CHAC2: variants seen among roughly 807,000 people sequenced by gnomAD.
CHAC2 encodes glutathione-specific gamma-glutamylcyclotransferase 2.
A neutral mutation model predicts 16.9 loss-of-function variants in CHAC2; 20 were observed. The observed-to-expected ratio is 1.18, with a 90% confidence interval of 0.83 to 1.72. The LOEUF is 1.72. Ranked by LOEUF, CHAC2 falls within the 40% of genes most tolerant of loss-of-function variation. CHAC2 has a pLI of 0.00. For synonymous variants in CHAC2, 91 were observed against 77.3 expected (o/e 1.18, Z -0.93); for missense variants, 269 against 222.2 (o/e 1.21, Z -1.34).
intron 1 of CHAC2, among the ~76,000 whole-genome samples, chr2:53,769,061 T>C (rs982899254): frequency 2.0e-5 from 3 of 152,236 alleles, no homozygotes; most frequent in African/African-American, 7.2e-5. Context: ...ACTGGCCTAT[T>C]GGGATGTTGG....
At chr2:53,768,596 T>G (rs10490470) in intron 1 of CHAC2, among the ~76,000 whole-genome samples, 24,365 of 152,182 alleles carry the variant, frequency 0.16, 2,285 homozygotes, top group African/African-American at 0.26. Flanking sequence ...GGAACTCACT[T>G]TGGTTTTCAG....
At chr2:53,770,002 C>A (rs1000468676) in intron 1 of CHAC2, among the ~76,000 whole-genome samples, 8 of 152,180 alleles carry the variant, frequency 5.3e-5, no homozygotes, top group African/African-American at 1.9e-4. Context: ...AACCAAGAAT[C>A]AAGATTTCAT....
At chr2:53,773,637 G>A (rs1674105854) in intron 2 of CHAC2, among the ~76,000 whole-genome samples, 1 of 151,784 alleles carries the variant, frequency 6.6e-6, no homozygotes, top group Non-Finnish European at 1.5e-5. Flanking sequence ...CACCATCTTG[G>A]CCAGGCTGGT....
chr2:53,771,218 C>T (rs75596601), intron 1 of CHAC2, among the ~76,000 whole-genome samples: 3,472 of 152,016 alleles, frequency 0.023, 60 homozygotes, highest in Non-Finnish European at 0.035. Flanking sequence ...TTTTTTTTCC[C>T]CTAATAAAAC....
intron 2 of CHAC2, 50 bp from the exon 3 acceptor site, chr2:53,774,092 T>C (rs1396969715): frequency 6.6e-7 from 1 of 1,506,764 alleles, no homozygotes; most frequent in Non-Finnish European, 8.9e-7. Flanking sequence ...TTTCTTCACC[T>C]ATTTTAATTA....
rs545424466 is a variant in CHAC2, at chr2:53,771,374, G to C, written c.136-533G>C. 4.8e-4 allele frequency among the ~76,000 whole-genome samples: 73 copies of C among 152,224 alleles called. No individual in the cohort carries two copies. The South Asian group carries it at 0.012, about 24-fold the overall frequency. ...CTAAAAATACAAAAATTAGCTGGGTGTCTTGGCGGGCACCTGTAATCCCAA... is the reference window on the plus strand; with the variant it reads ...CTAAAAATACAAAAATTAGCTGGGTCTCTTGGCGGGCACCTGTAATCCCAA... On this transcript the variant is annotated intron_variant, in intron 1 of 2. Transcript: ENST00000295304.
Position 53,767,999 on chromosome 2 carries a change from A to C in CHAC2, c.113A>C (p.Asp38Ala). Residue 38 changes from aspartate to alanine, a missense_variant, in exon 1 of 3, where the codon GAC becomes GCC. Coordinates refer to ENST00000295304, the MANE Select transcript of CHAC2 (RefSeq NM_001008708.4). ...YSRRFWQGST[D>A]HRGVPGKPGR... is the part of the protein sequence containing the mutation. ...AGGCGCTTCTGGCAGGGCAGCACGG[A>C]CCACCGCGGGGTCCCCGGCAAGGTG... is the stretch of plus-strand genomic sequence containing the variant. 1 of 1,611,350 alleles carries C rather than the reference A, an allele frequency of 6.2e-7. No individual in the cohort carries two copies. The highest frequency in any genetic ancestry group is 1.3e-5 in the African/African-American group (1 of 75,002).
chr2:53,774,023 G>A (rs965789735), intron 2 of CHAC2, 119 bp from the exon 3 acceptor site: 68 of 1,139,664 alleles, frequency 6.0e-5, no homozygotes, highest in Non-Finnish European at 8.3e-5. Flanking sequence ...CAACAGACAA[G>A]ACTTCATCTC....
chr2:53,774,162 T>G lies in CHAC2; in HGVS notation c.192T>G (p.Ala64=). Reference sequence around the variant, plus strand: ...AACAGGGATGTGTATGGGGTGTTGCTTACAGATTGCCAGTAGGAAAGGAAG... The same window carrying G: ...AACAGGGATGTGTATGGGGTGTTGCGTACAGATTGCCAGTAGGAAAGGAAG... ...EDPAGCVWGV[A]YRLPVGKEEE... Residue 64 remains alanine, a synonymous_variant, in exon 3 of 3, where the codon GCT becomes GCG. Transcript: ENST00000295304. 6.2e-7 allele frequency: 1 copy of G among 1,610,226 alleles called. No homozygotes were observed. Among genetic ancestry groups the G allele is most frequent in the Non-Finnish European group, 8.5e-7 (1 of 1,178,310 alleles).
rs770889541 is a variant in CHAC2 at position 53,767,927 on chromosome 2, A to G, written c.41A>G (p.Asp14Gly). ...TACGGGTCCCTGATCTGGAAGGTGG[A>G]TTTCCCCTATCAGGACAAGCTGGTC... The part of the protein sequence containing the change: ...FGYGSLIWKV[D>G]FPYQDKLVGY... Residue 14 changes from aspartate to glycine, a missense_variant, in exon 1 of 3, where the codon GAT becomes GGT. Transcript: ENST00000295304. 3 of 1,613,940 alleles carry G rather than the reference A, an allele frequency of 1.9e-6. 1 individual carries two copies. In the Admixed American group the frequency reaches 5.0e-5, roughly 27 times the overall value.
rs918447198 is a variant in CHAC2, at chr2:53,767,819, G to A, written c.-68G>A. On this transcript the variant is annotated 5_prime_UTR_variant, in exon 1 of 3. Transcript: ENST00000295304. Reference sequence around the variant, plus strand: ...GCGGCCGGTTACTCGCTTACCGGAGGCTTCAGTCCCCGGCGGCGCGGCGAC... The same window carrying A: ...GCGGCCGGTTACTCGCTTACCGGAGACTTCAGTCCCCGGCGGCGCGGCGAC... The A allele has an allele frequency of 1.3e-5, 20 of 1,535,208 alleles. No individual in the cohort carries two copies. The highest frequency in any genetic ancestry group is 1.6e-5 in the Non-Finnish European group (18 of 1,134,740).
chr2:53,767,944 A>G lies in CHAC2; in HGVS notation c.58A>G (p.Lys20Glu). ...GAAGGTGGATTTCCCCTATCAGGAC[A>G]AGCTGGTCGGATACATCACCAACTA... ...IWKVDFPYQD[K>E]LVGYITNYSR... The change falls in exon 1 of 3, where the codon AAG (lysine) becomes GAG (glutamate). Residue 20 changes from lysine (K) to glutamate (E), a missense_variant. Physicochemically the swap from Lys to Glu is moderately conservative, Grantham distance 56. Transcript: ENST00000295304. 1 of 1,614,098 alleles carries G rather than the reference A, an allele frequency of 6.2e-7. No individual in the cohort carries two copies. Among genetic ancestry groups the G allele is most frequent in the Non-Finnish European group, 8.5e-7 (1 of 1,179,998 alleles).
chr2:53,772,380 T>A (rs753807737), intron 2 of CHAC2, among the ~76,000 whole-genome samples: 20 of 152,328 alleles, frequency 1.3e-4, no homozygotes, highest in Admixed American at 8.5e-4. Flanking sequence ...TTCACCGTGT[T>A]AGCCAGGATG....
At position 53,767,952 on chromosome 2, in the gene CHAC2, C is replaced by T. The variant is rs1455374889; in HGVS notation, c.66C>T (p.Val22=). The T allele has an allele frequency of 6.2e-7, 1 of 1,614,008 alleles. No homozygotes were observed. Among genetic ancestry groups the T allele is most frequent in the African/African-American group, 1.3e-5 (1 of 74,936 alleles). The change falls in exon 1 of 3, where the codon GTC becomes GTT. Residue 22 remains valine (V), a synonymous_variant. Coordinates refer to ENST00000295304, the MANE Select transcript of CHAC2 (RefSeq NM_001008708.4). ...ATTTCCCCTATCAGGACAAGCTGGT[C>T]GGATACATCACCAACTACAGCAGGC... ...KVDFPYQDKL[V]GYITNYSRRF... is the part of the protein sequence containing the mutation.
rs1473691454 is a variant in CHAC2 at position 53,769,846 on chromosome 2, A to T, written c.135+1825A>T. ...AACAAGAGTGAAATTCCGTCTCAAAAAAAAAGAGCTAAAAAAAGGTGTCTT... is the reference window on the plus strand; with the variant it reads ...AACAAGAGTGAAATTCCGTCTCAAATAAAAAGAGCTAAAAAAAGGTGTCTT... On this transcript the variant is annotated intron_variant, in intron 1 of 2. Transcript: ENST00000295304. Among the ~76,000 whole-genome samples the T allele has an allele frequency of 2.6e-5, 4 of 152,232 alleles. No homozygotes were observed. In the East Asian group the frequency reaches 7.7e-4, roughly 29 times the overall value.
chr2:53,770,564 T>A lies in CHAC2; in HGVS notation c.136-1343T>A, dbSNP rs577671962. Among the ~76,000 whole-genome samples the A allele has an allele frequency of 4.1e-4, 62 of 151,148 alleles. 1 individual carries two copies. The South Asian group carries it at 7.3e-3, about 18-fold the overall frequency. On this transcript the variant is annotated intron_variant, in intron 1 of 2. Transcript: ENST00000295304. ...TAGGTGTCACCTTTGTGCCTTAAAT[T>A]ATGGAACATTCCAAGTCTGGACTTT...
chr2:53,772,387 G>C (rs1673997736), intron 2 of CHAC2, among the ~76,000 whole-genome samples: 1 of 152,150 alleles, frequency 6.6e-6, no homozygotes, highest in South Asian at 2.1e-4. Flanking sequence ...TGTTAGCCAG[G>C]ATGGTCTCAA....
At chr2:53,768,085 C>A in intron 1 of CHAC2, 64 bp downstream of exon 1, 1 of 1,575,520 alleles carries the variant, frequency 6.3e-7, no homozygotes, top group Non-Finnish European at 8.6e-7. Context: ...ACTCCACACA[C>A]AGCACCCACA....
At chr2:53,773,306 A>C (rs1674075661) in intron 2 of CHAC2, among the ~76,000 whole-genome samples, 1 of 152,204 alleles carries the variant, frequency 6.6e-6, no homozygotes, top group African/African-American at 2.4e-5. Context: ...TTTTAAGATA[A>C]AATATCTTGC....
Sources: allele counts gnomAD v4.1 joint callset (sites outside exome capture counted in the v4.1 genomes callset), GRCh38; gene constraint gnomAD v4.1.1; transcripts MANE v1.5; gene names NCBI Gene and HGNC (gene_info 2026-07-23, HGNC 2026-07-21).